Variants in EIF2AK2 observed in about 807,000 individuals in gnomAD.
EIF2AK2 encodes the protein eukaryotic translation initiation factor 2 alpha kinase 2.
A neutral mutation model predicts 70.5 loss-of-function variants in EIF2AK2; 40 were observed. The observed-to-expected ratio is 0.57, with a 90% CI of 0.44 to 0.74. The LOEUF is 0.74. Ranked by LOEUF, EIF2AK2 falls within the 30% of genes least tolerant of loss-of-function variation. The pLI is 0.00. For synonymous variants in EIF2AK2, 198 were observed against 220.9 expected (o/e 0.90, Z 0.92); for missense variants, 555 against 644.3 (o/e 0.86, Z 1.50).
intron 8 of EIF2AK2, 105 bp from the exon 9 acceptor site, chr2:37,137,122 C>T (rs1675155699): frequency 1.1e-6 from 1 of 888,982 alleles, no homozygotes; most frequent in African/African-American, 1.7e-5. Context: ...TGACCAATTT[C>T]TTAGTCCATC....
intron 13 of EIF2AK2, 119 bp downstream of exon 13, chr2:37,119,840 C>T (rs1029198815): frequency 1.0e-5 from 5 of 496,028 alleles, no homozygotes; most frequent in Non-Finnish European, 1.5e-5. Context: ...GATCTGCCTG[C>T]CTCAGCCTCC....
At position 37,119,237 on chromosome 2, in the gene EIF2AK2, T is replaced by C. The variant is rs555366201; in HGVS notation, c.1248+722A>G. Among the ~76,000 whole-genome samples the C allele has an allele frequency of 2.7e-4, 41 of 152,298 alleles. No individual in the cohort carries two copies. The South Asian group carries it at 7.0e-3, about 26-fold the overall frequency. On this transcript the variant is annotated intron_variant, in intron 13 of 16. Transcript: ENST00000233057. ...GGAAAATGAAAATACTAAGGGATGA[T>C]ACACTTTCCCAGTCCGGGATTACCG...
intron 4 of EIF2AK2, among the ~76,000 whole-genome samples, chr2:37,142,150 A>C (rs565317108): frequency 2.6e-5 from 4 of 151,976 alleles, no homozygotes; most frequent in Admixed American, 6.5e-5. Flanking sequence ...AATTTTTTTC[A>C]GACAGGGTGT....
In EIF2AK2 at chr2:37,102,962, T is replaced by G. The variant is rs1673862472; in HGVS notation, c.*4311A>C. ...TGATAAAAATTCCCTAAAAGGTATG[T>G]TTCTAGGGAGGCAATTATATTAAAA... On this transcript the variant is annotated 3_prime_UTR_variant, in exon 17 of 17. Coordinates refer to ENST00000233057, the MANE Select transcript of EIF2AK2 (RefSeq NM_001135651.3). 1.3e-5 allele frequency: 2 copies of G among 152,078 alleles called. No individual in the cohort carries two copies. Among genetic ancestry groups the G allele is most frequent in the East Asian group, 3.9e-4 (2 of 5,174 alleles). The allele number at this position is 152,078 out of a possible 1,614,324, so 9.4% of individuals were successfully genotyped here. A position where few individuals can be genotyped will look rare whatever the true frequency, so the allele number is the denominator to read the frequency against.
chr2:37,138,784 G>C (rs555287498), intron 6 of EIF2AK2, among the ~76,000 whole-genome samples, 199 bp from the exon 7 acceptor site: 1 of 151,944 alleles, frequency 6.6e-6, no homozygotes, highest in Non-Finnish European at 1.5e-5. Context: ...CTGGATCACA[G>C]GGCAGATATT....
chr2:37,135,832 A>T (rs1042907964), intron 9 of EIF2AK2, among the ~76,000 whole-genome samples: 1 of 152,164 alleles, frequency 6.6e-6, no homozygotes, highest in African/African-American at 2.4e-5. Context: ...GGGTCTCTTC[A>T]TGTTACCCAG....
intron 1 of EIF2AK2, among the ~76,000 whole-genome samples, chr2:37,156,369 T>C (rs887764464): frequency 1.3e-5 from 2 of 152,024 alleles, no homozygotes; most frequent in African/African-American, 4.8e-5. Flanking sequence ...AAAGGAACAT[T>C]CCAGATGCTG....
chr2:37,155,824 C>T (rs184046002), intron 1 of EIF2AK2, among the ~76,000 whole-genome samples: 1 of 151,672 alleles, frequency 6.6e-6, no homozygotes, highest in Admixed American at 6.6e-5. Flanking sequence ...ACCTGTAGTC[C>T]CAGCTACCTG....
At chr2:37,122,889 C>T (rs572098344) in intron 11 of EIF2AK2, among the ~76,000 whole-genome samples, 44 of 152,136 alleles carry the variant, frequency 2.9e-4, no homozygotes, top group Non-Finnish European at 5.4e-4. Flanking sequence ...AGGCAGTGGC[C>T]GGGCGCGGTG....
rs1472647205 is a variant in EIF2AK2 at position 37,104,562 on chromosome 2, C to T, written c.*2711G>A. ...CTCAAAATCCTATGCTCAAGCCATC[C>T]TCCCCTTTTGACCTCCCAAAAATGC... On this transcript the variant is annotated 3_prime_UTR_variant, in exon 17 of 17. Coordinates refer to ENST00000233057, the MANE Select transcript of EIF2AK2 (RefSeq NM_001135651.3). The T allele has an allele frequency of 6.6e-6, 1 of 152,206 alleles. No homozygotes were observed. Among genetic ancestry groups the T allele is most frequent in the Non-Finnish European group, 1.5e-5 (1 of 68,066 alleles). The allele number at this position is 152,206 out of a possible 1,614,324, so 9.4% of individuals were successfully genotyped here.
At chr2:37,140,560 G>A (rs148035670) in intron 5 of EIF2AK2, among the ~76,000 whole-genome samples, 57 of 152,004 alleles carry the variant, frequency 3.7e-4, no homozygotes, top group African/African-American at 1.2e-3. Flanking sequence ...TGGGTTGAGT[G>A]ACTGGATCAT....
intron 8 of EIF2AK2, 53 bp downstream of exon 8, chr2:37,138,217 G>A: frequency 7.3e-7 from 1 of 1,368,062 alleles, no homozygotes; most frequent in Admixed American, 2.1e-5. Context: ...TTTAAATGAG[G>A]AAACGCACAG....
intron 7 of EIF2AK2, 47 bp downstream of exon 7, chr2:37,138,462 C>G: frequency 1.2e-6 from 2 of 1,606,208 alleles, no homozygotes; most frequent in Non-Finnish European, 1.7e-6. Context: ...GTCTTTCAGA[C>G]AGAAATATGA....
At position 37,119,862 on chromosome 2, in the gene EIF2AK2, G is replaced by T. The variant is rs890670996; in HGVS notation, c.1248+97C>A. The T allele has an allele frequency of 4.3e-6, 3 of 705,302 alleles. No individual in the cohort carries two copies. The African/African-American group carries it at 5.7e-5, about 13-fold the overall frequency. The allele number at this position is 705,302 out of a possible 1,614,324, so 43.7% of individuals were successfully genotyped here. ...CTGCCTCAGCCTCCCAAAGTGTTGA[G>T]ATTATAGGCGTGAGCCACTGTGCCC... On this transcript the variant is annotated intron_variant, in intron 13 of 16. Coordinates refer to ENST00000233057, the MANE Select transcript of EIF2AK2 (RefSeq NM_001135651.3).
intron 2 of EIF2AK2, 79 bp from the exon 3 acceptor site, chr2:37,147,901 C>T (rs1675611719): frequency 1.0e-6 from 1 of 979,434 alleles, no homozygotes; most frequent in Non-Finnish European, 1.6e-6. Context: ...GTTTAGGAGA[C>T]AGAGGGGTTG....
intron 1 of EIF2AK2, among the ~76,000 whole-genome samples, chr2:37,151,121 G>T (rs1368484480): frequency 1.3e-5 from 2 of 152,086 alleles, no homozygotes; most frequent in Non-Finnish European, 2.9e-5. Context: ...AATTTAAAAC[G>T]TTTGTGTATC....
At chr2:37,114,283 G>C (rs894952349) in intron 14 of EIF2AK2, among the ~76,000 whole-genome samples, 4 of 151,942 alleles carry the variant, frequency 2.6e-5, no homozygotes, top group African/African-American at 9.7e-5. Context: ...CTGGGTGACA[G>C]AGCAAGACCC....
intron 10 of EIF2AK2, among the ~76,000 whole-genome samples, chr2:37,129,647 T>C (rs757561221): frequency 3.9e-5 from 6 of 152,162 alleles, no homozygotes; most frequent in Non-Finnish European, 5.9e-5. Flanking sequence ...CCCATTAGAA[T>C]GTTCATTTGT....
chr2:37,136,341 T>C (rs1675125737), intron 9 of EIF2AK2, among the ~76,000 whole-genome samples: 1 of 152,200 alleles, frequency 6.6e-6, no homozygotes, highest in Non-Finnish European at 1.5e-5. Context: ...GGGGAACCTA[T>C]TCCCTCAAGT....
Sources: gnomAD v4.1 joint callset for allele counts (sites outside exome capture counted in the v4.1 genomes callset) on GRCh38, gnomAD v4.1.1 for gene constraint, MANE v1.5 for transcripts, NCBI Gene and HGNC (gene_info 2026-07-23, HGNC 2026-07-21) for gene names.